Variants in SLCO1B3 observed in about 807,000 individuals in gnomAD.
SLCO1B3 encodes liver-specific organic anion transporter 2.
SLCO1B3 carries 72 observed loss-of-function variants against 71.8 expected under a neutral mutation model. That is an observed-to-expected ratio of 1.00 (90% confidence interval 0.83 to 1.22). The LOEUF (loss-of-function observed/expected upper bound fraction) is 1.22, where lower values mean the gene tolerates loss of function less well. SLCO1B3 is among the 50% of genes most tolerant of loss of function. SLCO1B3 has a pLI of 0.00. For missense variants in SLCO1B3, 911 were observed against 819.7 expected, an observed-to-expected ratio of 1.11 and a Z score of -1.36; for synonymous variants, 298 against 278.4, an observed-to-expected ratio of 1.07 and a Z score of -0.70.
chr12:20,812,490 T>C (rs1864125588), intron 1 of SLCO1B3, among the ~76,000 whole-genome samples: 1 of 152,166 alleles, frequency 6.6e-6, no homozygotes, highest in Admixed American at 6.5e-5. Flanking sequence ...GGGAAGGACA[T>C]TCCAGGAATG....
intron 3 of SLCO1B3, among the ~76,000 whole-genome samples, chr12:20,850,256 T>A (rs1042728405): frequency 1.4e-5 from 2 of 143,040 alleles, no homozygotes; most frequent in Non-Finnish European, 3.0e-5. Context: ...ATTATTATTA[T>A]TTTATTTATT....
rs4149118 is a variant in SLCO1B3, at chr12:20,858,647, G to A, written c.359+76G>A. ...GCAGTAGAATTTTATTTTTATACTT[G>A]TAAGTGGGCAGTTACCTTTTGAGAG... is the stretch of plus-strand genomic sequence containing the variant. On this transcript the variant is annotated intron_variant, in intron 5 of 15. Coordinates refer to ENST00000381545, the MANE Select transcript of SLCO1B3 (RefSeq NM_019844.4). 894,171 of 1,384,570 alleles carry A rather than the reference G, an allele frequency of 0.65. 296,294 individuals carry two copies. The highest frequency in any genetic ancestry group is 0.78 in the South Asian group (57,618 of 74,264). The allele number at this position is 1,384,570 out of a possible 1,614,324, so 85.8% of individuals were successfully genotyped here.
chr12:20,833,495 T>A (rs369856531), intron 3 of SLCO1B3, among the ~76,000 whole-genome samples: 4 of 149,034 alleles, frequency 2.7e-5, no homozygotes, highest in African/African-American at 9.8e-5. Flanking sequence ...CACAGATATA[T>A]ACATATGTTT....
At chr12:20,914,277 G>A (rs1295729815) in intron 15 of SLCO1B3, among the ~76,000 whole-genome samples, 1 of 151,688 alleles carries the variant, frequency 6.6e-6, no homozygotes, top group African/African-American at 2.4e-5. Flanking sequence ...TTTATTAGTT[G>A]TACTTTTTAA....
chr12:20,844,431 T>C (rs910532129), intron 3 of SLCO1B3, among the ~76,000 whole-genome samples: 1 of 151,602 alleles, frequency 6.6e-6, no homozygotes, highest in Non-Finnish European at 1.5e-5. Flanking sequence ...CCAGGCATGG[T>C]GGCATATACC....
intron 3 of SLCO1B3, among the ~76,000 whole-genome samples, chr12:20,835,998 T>C (rs1864671648): frequency 6.6e-6 from 1 of 152,186 alleles, no homozygotes. Context: ...GGCCTCACAA[T>C]CATGGTGAAA....
intron 14 of SLCO1B3, 32 bp downstream of exon 14, chr12:20,898,532 CAT>C: frequency 9.2e-7 from 1 of 1,092,288 alleles, no homozygotes; most frequent in Non-Finnish European, 1.4e-6. Context: ...TACATTTTAA[CAT>C]ATAAATATTA....
At chr12:20,897,991 TTAA>T (rs1328662424) in intron 13 of SLCO1B3, among the ~76,000 whole-genome samples, 1 of 152,164 alleles carries the variant, frequency 6.6e-6, no homozygotes, top group Non-Finnish European at 1.5e-5. Context: ...ACGAATCATA[TTAA>T]TAAGCTATTC....
intron 15 of SLCO1B3, among the ~76,000 whole-genome samples, chr12:20,915,515 G>C (rs1370364503): frequency 2.0e-5 from 3 of 152,134 alleles, no homozygotes; most frequent in Non-Finnish European, 4.4e-5. Context: ...TTTAGTATGT[G>C]ACTTGCAAAT....
At position 20,856,781 on chromosome 12, in the gene SLCO1B3, A is replaced by G. The variant is rs192390443; in HGVS notation, c.226+1612A>G. On this transcript the variant is annotated intron_variant, in intron 4 of 15. Transcript: ENST00000381545. ...TCACCATTTGGCCAGGCTGATCTCA[A>G]ACTCCTAGCCTCAAGTGATCTGCTA... Among the ~76,000 whole-genome samples, 11 of 152,254 alleles carry G rather than the reference A, an allele frequency of 7.2e-5. No individual in the cohort carries two copies. The East Asian group carries it at 1.9e-3, about 27-fold the overall frequency.
chr12:20,858,510 G>A lies in SLCO1B3; in HGVS notation c.298G>A (p.Gly100Ser). Residue 100 changes from glycine to serine, a missense_variant, in exon 5 of 16, where the codon GGT (glycine) becomes AGT (serine). By Grantham distance (56) the Gly-to-Ser change is moderately conservative. Transcript: ENST00000381545. ...KLHRPKLIGI[G>S]CLLMGTGSIL... is the part of the protein sequence containing the mutation. ...ACACAGACCGAAGTTAATTGGAATT[G>A]GTTGTCTCCTTATGGGAACTGGAAG... is the stretch of plus-strand genomic sequence containing the variant. The A allele has an allele frequency of 6.3e-7, 1 of 1,598,332 alleles. No homozygotes were observed. Among genetic ancestry groups the A allele is most frequent in the Middle Eastern group, 1.7e-4 (1 of 6,028 alleles).
chr12:20,845,098 G>A, intron 3 of SLCO1B3: 1 of 419,638 alleles, frequency 2.4e-6, no homozygotes, highest in Non-Finnish European at 4.7e-6. Flanking sequence ...TGCTAACCAA[G>A]GTGATGGAAG....
intron 8 of SLCO1B3, among the ~76,000 whole-genome samples, chr12:20,873,645 A>C (rs1865521230): frequency 6.6e-6 from 1 of 152,196 alleles, no homozygotes. Context: ...CATGTGCAGA[A>C]TGTACAGGTT....
At chr12:20,828,902 C>T (rs750272727) in intron 3 of SLCO1B3, among the ~76,000 whole-genome samples, 2 of 152,186 alleles carry the variant, frequency 1.3e-5, no homozygotes, top group Non-Finnish European at 2.9e-5. Context: ...ACTACCATTG[C>T]TCTGTCCTCT....
rs757386211 is a variant in SLCO1B3, at chr12:20,858,512, T to C, written c.300T>C (p.Gly100=). The stretch of plus-strand genomic sequence containing the variant: ...ACAGACCGAAGTTAATTGGAATTGG[T>C]TGTCTCCTTATGGGAACTGGAAGTA... ...KLHRPKLIGI[G]CLLMGTGSIL... The change falls in exon 5 of 16, where the codon GGT becomes GGC. Residue 100 remains glycine, a synonymous_variant. Coordinates refer to ENST00000381545, the MANE Select transcript of SLCO1B3 (RefSeq NM_019844.4). The C allele has an allele frequency of 1.9e-6, 3 of 1,600,384 alleles. No individual in the cohort carries two copies. The African/African-American group carries it at 4.0e-5, about 21-fold the overall frequency.
At chr12:20,875,612 T>A (rs1384145740) in intron 9 of SLCO1B3, 135 bp downstream of exon 9, 2 of 903,166 alleles carry the variant, frequency 2.2e-6, no homozygotes, top group South Asian at 3.3e-5. Context: ...TGAATTATTT[T>A]TTCTAAAACT....
chr12:20,885,335 A>G (rs931694350), intron 13 of SLCO1B3, among the ~76,000 whole-genome samples: 2 of 152,128 alleles, frequency 1.3e-5, no homozygotes, highest in African/African-American at 2.4e-5. Flanking sequence ...CATCCAGTAC[A>G]TATTCATTAT....
At chr12:20,862,040 TAGA>T (rs1865276995) in intron 6 of SLCO1B3, among the ~76,000 whole-genome samples, 1 of 152,134 alleles carries the variant, frequency 6.6e-6, no homozygotes, top group South Asian at 2.1e-4. Flanking sequence ...AATTTTAATA[TAGA>T]AGAACTCTTG....
chr12:20,909,336 T>TTG (rs1555161700), intron 15 of SLCO1B3, among the ~76,000 whole-genome samples: 1 of 148,936 alleles, frequency 6.7e-6, no homozygotes, highest in Non-Finnish European at 1.5e-5. Flanking sequence ...TGGCTAATTT[T>TTG]TTTTTTTTTT....
Sources: gnomAD v4.1 joint callset for allele counts (sites outside exome capture counted in the v4.1 genomes callset) on GRCh38, gnomAD v4.1.1 for gene constraint, MANE v1.5 for transcripts, NCBI Gene and HGNC (gene_info 2026-07-23, HGNC 2026-07-21) for gene names.